Variants in KCNN3 observed in about 807,000 individuals in gnomAD.
KCNN3 encodes the protein potassium calcium-activated channel subfamily N member 3.
Under a neutral mutation model 62.9 loss-of-function variants are expected in KCNN3, and 16 were observed. The observed-to-expected ratio is 0.25, with a 90% CI of 0.17 to 0.39. KCNN3 has a LOEUF of 0.39. Among genes scored for constraint, KCNN3 ranks in the 10% least tolerant of loss-of-function variants. KCNN3 has a pLI of 1.00. For missense variants in KCNN3, 599 were observed against 949.4 expected (o/e 0.63, Z 4.85); for synonymous variants, 370 against 389.2 (o/e 0.95, Z 0.58).
intron 1 of KCNN3, among the ~76,000 whole-genome samples, chr1:154,854,313 C>G (rs1328378327): frequency 6.6e-6 from 1 of 152,092 alleles, no homozygotes; most frequent in African/African-American, 2.4e-5. Context: ...CCCCTGCACT[C>G]CCATCCAGAG....
In KCNN3 at chr1:154,704,293, T is replaced by C. The variant is rs186230111; in HGVS notation, c.*3683A>G. Reference sequence around the variant, plus strand: ...TCTTTTGGATTGTATTAAGCACTTCTAGAGACATGATGTCATGAAGTTACG... The same window carrying C: ...TCTTTTGGATTGTATTAAGCACTTCCAGAGACATGATGTCATGAAGTTACG... On this transcript the variant is annotated 3_prime_UTR_variant, in exon 8 of 8. Coordinates refer to ENST00000271915, the MANE Select transcript of KCNN3 (RefSeq NM_002249.6). The C allele has an allele frequency of 1.5e-4, 23 of 152,360 alleles. No individual in the cohort carries two copies. The highest frequency in any genetic ancestry group is 4.8e-4 in the African/African-American group (20 of 41,588). The allele number at this position is 152,360 out of a possible 1,614,324, so 9.4% of individuals were successfully genotyped here. A position where few individuals can be genotyped will look rare whatever the true frequency, so the allele number is the denominator to read the frequency against.
At chr1:154,861,616 C>T (rs11264276) in intron 1 of KCNN3, among the ~76,000 whole-genome samples, 50,208 of 151,980 alleles carry the variant, frequency 0.33, 11,042 homozygotes, top group East Asian at 0.91. Context: ...CAGGGACCCC[C>T]CAACCTCCTA....
intron 1 of KCNN3, among the ~76,000 whole-genome samples, chr1:154,848,621 A>G (rs1015174747): frequency 3.5e-4 from 53 of 152,102 alleles, no homozygotes; most frequent in African/African-American, 1.2e-3. Flanking sequence ...CAGAACTTCT[A>G]GGAAAACCTA....
intron 2 of KCNN3, among the ~76,000 whole-genome samples, chr1:154,813,272 A>AT (rs1395040215): frequency 2.5e-5 from 3 of 121,686 alleles, no homozygotes; most frequent in Admixed American, 1.1e-4. Context: ...TGGGACTGTG[A>AT]TTTTTTGTAT....
At chr1:154,790,318 G>T (rs1448158670) in intron 2 of KCNN3, among the ~76,000 whole-genome samples, 1 of 152,204 alleles carries the variant, frequency 6.6e-6, no homozygotes, top group African/African-American at 2.4e-5. Context: ...CTTAACTTAT[G>T]ATGGGTCACG....
At chr1:154,825,764 C>T (rs1422261477) in intron 1 of KCNN3, among the ~76,000 whole-genome samples, 2 of 151,744 alleles carry the variant, frequency 1.3e-5, no homozygotes, top group African/African-American at 4.8e-5. Flanking sequence ...CACTACGCAG[C>T]CACTAAAAAC....
intron 4 of KCNN3, among the ~76,000 whole-genome samples, chr1:154,729,431 C>T (rs1303620588): frequency 2.6e-5 from 4 of 151,976 alleles, no homozygotes; most frequent in African/African-American, 7.3e-5. Context: ...GTGGCTGGGA[C>T]GGGGTGAACA....
At chr1:154,782,650 C>T (rs4845671) in intron 2 of KCNN3, among the ~76,000 whole-genome samples, 59,410 of 152,130 alleles carry the variant, frequency 0.39, 12,236 homozygotes, top group African/African-American at 0.53. Context: ...CATAGCTATT[C>T]CCTTTTGTGT....
At chr1:154,841,025 GGGGT>G (rs1651802891) in intron 1 of KCNN3, among the ~76,000 whole-genome samples, 3 of 152,158 alleles carry the variant, frequency 2.0e-5, no homozygotes, top group Non-Finnish European at 4.4e-5. Context: ...CTGCCCCTGC[GGGGT>G]CAGGCCCCGA....
At chr1:154,799,268 T>C (rs1649857298) in intron 2 of KCNN3, among the ~76,000 whole-genome samples, 1 of 152,114 alleles carries the variant, frequency 6.6e-6, no homozygotes, top group Non-Finnish European at 1.5e-5. Flanking sequence ...TATTATATGA[T>C]CAAACTGAAA....
At chr1:154,761,892 A>C (rs1648032676) in intron 3 of KCNN3, among the ~76,000 whole-genome samples, 1 of 152,178 alleles carries the variant, frequency 6.6e-6, no homozygotes, top group Non-Finnish European at 1.5e-5. Flanking sequence ...GTGAGCCGAG[A>C]TGGCGCCACT....
chr1:154,807,710 C>T (rs1650239094), intron 2 of KCNN3, among the ~76,000 whole-genome samples: 2 of 152,198 alleles, frequency 1.3e-5, no homozygotes, highest in Non-Finnish European at 2.9e-5. Flanking sequence ...GAAGTCTGAT[C>T]AGTGTCGCTC....
chr1:154,817,475 G>A (rs1191832173), intron 2 of KCNN3, among the ~76,000 whole-genome samples: 1 of 152,238 alleles, frequency 6.6e-6, no homozygotes, highest in African/African-American at 2.4e-5. Context: ...CCAAGATGGA[G>A]TTGCTGTGGC....
chr1:154,774,593 A>G (rs1413220476), intron 2 of KCNN3, among the ~76,000 whole-genome samples: 1 of 152,230 alleles, frequency 6.6e-6, no homozygotes, highest in Non-Finnish European at 1.5e-5. Flanking sequence ...TGGAATGTTT[A>G]TCATCACACT....
intron 2 of KCNN3, among the ~76,000 whole-genome samples, chr1:154,811,259 G>A (rs955983117): frequency 6.6e-6 from 1 of 152,150 alleles, no homozygotes; most frequent in Non-Finnish European, 1.5e-5. Context: ...TGCGAAGAGA[G>A]CTCACCACAA....
intron 2 of KCNN3, among the ~76,000 whole-genome samples, chr1:154,789,224 C>T (rs371629702): frequency 2.0e-5 from 3 of 152,294 alleles, no homozygotes; most frequent in East Asian, 1.9e-4. Flanking sequence ...TTCACCATCA[C>T]TCGTCCTGCT....
chr1:154,812,351 T>C (rs1237791039), intron 2 of KCNN3, among the ~76,000 whole-genome samples: 1 of 152,180 alleles, frequency 6.6e-6, no homozygotes, highest in Non-Finnish European at 1.5e-5. Flanking sequence ...GTTGGTGTGC[T>C]GCACCCATTA....
intron 1 of KCNN3, among the ~76,000 whole-genome samples, chr1:154,834,438 T>A (rs952325802): frequency 2.0e-5 from 3 of 151,890 alleles, no homozygotes; most frequent in African/African-American, 7.3e-5. Flanking sequence ...CTAGGGGGGG[T>A]CAGGGAACCT....
At chr1:154,808,895 G>A (rs539737277) in intron 2 of KCNN3, among the ~76,000 whole-genome samples, 1 of 152,294 alleles carries the variant, frequency 6.6e-6, no homozygotes, top group East Asian at 1.9e-4. Context: ...GGCAGTGAGG[G>A]GCAGGGTCTG....
Sources: allele counts gnomAD v4.1 joint callset (sites outside exome capture counted in the v4.1 genomes callset), GRCh38; gene constraint gnomAD v4.1.1; transcripts MANE v1.5; gene names NCBI Gene and HGNC (gene_info 2026-07-23, HGNC 2026-07-21).